Variants in PLK5 observed in about 807,000 individuals in gnomAD.
PLK5 encodes the protein inactive serine/threonine-protein kinase PLK5.
PLK5 carries 28 observed loss-of-function variants against 33.7 expected under a neutral mutation model. The ratio of observed to expected loss-of-function variants is 0.83; its 90% confidence interval spans 0.62 to 1.14. The LOEUF is 1.14. PLK5 is among the 50% of genes most tolerant of loss of function. PLK5 has a pLI of 0.00. For missense variants in PLK5, 492 were observed against 461.5 expected (o/e 1.07, Z -0.61); for synonymous variants, 225 against 202.2 (o/e 1.11, Z -0.96).
chr19:1,528,217 G>A (rs1913803981), intron 7 of PLK5, 83 bp downstream of exon 7: 1 of 1,533,584 alleles, frequency 6.5e-7, no homozygotes. Context: ...CTCAGCCGAG[G>A]GAGGCCCCGC....
rs265282 is a variant in PLK5, at chr19:1,535,206, G to A, written c.967G>A (p.Gly323Arg). The change falls in exon 14 of 14, where the codon GGA (glycine) becomes AGA (arginine). Residue 323 changes from glycine to arginine, a missense_variant. Physicochemically the swap from Gly to Arg is moderately radical, Grantham distance 125. Coordinates refer to ENST00000454744, the MANE Select transcript of PLK5 (RefSeq NM_001243079.2). ...GAGCCACGGCTGCGCCCCCACCACC[G>A]GACAGCACCTTCACCACGCCCTCCG... ...PRSHGCAPTT[G>R]QHLHHALRML... The A allele has an allele frequency of 6.5e-7, 1 of 1,535,432 alleles. No individual in the cohort carries two copies. Among genetic ancestry groups the A allele is most frequent in the Non-Finnish European group, 8.7e-7 (1 of 1,146,672 alleles).
In PLK5 at chr19:1,535,398, T is replaced by C; in HGVS notation, c.*148T>C. On this transcript the variant is annotated 3_prime_UTR_variant, in exon 14 of 14. Transcript: ENST00000454744. ...GGTTCTTGCCTTGTGGCATGACTGT[T>C]CAACCCAGACTTTGCTGGGATCTCT... is the stretch of plus-strand genomic sequence containing the variant. The C allele has an allele frequency of 6.1e-6, 5 of 817,952 alleles. No individual in the cohort carries two copies. The highest frequency in any genetic ancestry group is 9.0e-6 in the Non-Finnish European group (5 of 554,168). The allele number at this position is 817,952 out of a possible 1,614,324, so 50.7% of individuals were successfully genotyped here.
chr19:1,534,997 G>C (rs1385033004), intron 13 of PLK5, 68 bp from the exon 14 acceptor site: 1 of 1,361,436 alleles, frequency 7.3e-7, no homozygotes, highest in Non-Finnish European at 9.7e-7. Context: ...TGTCCTTCTG[G>C]AGCGCCACGG....
At chr19:1,533,647 G>A (rs997108873) in intron 12 of PLK5, 25 of 550,914 alleles carry the variant, frequency 4.5e-5, no homozygotes, top group African/African-American at 1.7e-4. Flanking sequence ...CCATTCCAGG[G>A]GGTGTAGGTC....
Position 1,529,462 on chromosome 19 carries a change from A to T in PLK5, c.462A>T (p.Ala154=). The change falls in exon 10 of 14, where the codon GCA becomes GCT. Residue 154 remains alanine, a synonymous_variant. Coordinates refer to ENST00000454744, the MANE Select transcript of PLK5 (RefSeq NM_001243079.2). ...PCLEGPIHLV[A]QGTLQSDLAG... ...TGGAAGGCCCCATCCACCTGGTCGCACAAGGGACCCTGCAGAGTGACCTGG... is the reference window on the plus strand; with the variant it reads ...TGGAAGGCCCCATCCACCTGGTCGCTCAAGGGACCCTGCAGAGTGACCTGG... The T allele has an allele frequency of 6.5e-7, 1 of 1,536,016 alleles. No individual in the cohort carries two copies. The highest frequency in any genetic ancestry group is 8.7e-7 in the Non-Finnish European group (1 of 1,146,836).
In PLK5 at chr19:1,533,431, G is replaced by C. The variant is rs533880471; in HGVS notation, c.715-500G>C. ...TAGCGGGAGTGACATGGGGGCCAGTGGGGAGGTGGCTGGACTCATCAGGTG... is the reference window on the plus strand; with the variant it reads ...TAGCGGGAGTGACATGGGGGCCAGTCGGGAGGTGGCTGGACTCATCAGGTG... On this transcript the variant is annotated intron_variant, in intron 12 of 13. Coordinates refer to ENST00000454744, the MANE Select transcript of PLK5 (RefSeq NM_001243079.2). 3.3e-5 allele frequency among the ~76,000 whole-genome samples: 5 copies of C among 152,282 alleles called. No individual in the cohort carries two copies. The East Asian group carries it at 7.7e-4, about 24-fold the overall frequency.
At chr19:1,525,174 T>C (rs551943429) in intron 1 of PLK5, 131 bp from the exon 2 acceptor site, 10 of 152,956 alleles carry the variant, frequency 6.5e-5, no homozygotes, top group Non-Finnish European at 1.0e-4. Context: ...CTGTGTGTTG[T>C]TTTTTCCCCG....
chr19:1,533,730 A>G lies in PLK5; in HGVS notation c.715-201A>G. On this transcript the variant is annotated intron_variant, in intron 12 of 13. Transcript: ENST00000454744. ...TGTCCTGGCCCCAGCCAAGTGTGCT[A>G]CATGCCCAACTGCGGGAGGCTGGAA... is the stretch of plus-strand genomic sequence containing the variant. 5 of 603,690 alleles carry G rather than the reference A, an allele frequency of 8.3e-6. No individual in the cohort carries two copies. The South Asian group carries it at 9.6e-5, about 12-fold the overall frequency. 37.4% of individuals were successfully genotyped at this position (603,690 alleles called of 1,614,324 possible).
At position 1,529,813 on chromosome 19, in the gene PLK5, T is replaced by G; in HGVS notation, c.557T>G (p.Val186Gly). ...ALRHLQLCLD[V>G]GPPATQDPLG... ...AGACACCTGCAGCTGTGCCTGGATG[T>G]AGGCCCCCCGGGTAGGAGCCGGCCC... Residue 186 changes from valine to glycine, a missense_variant, in exon 11 of 14, where the codon GTA (valine) becomes GGA (glycine). Val to Gly is a moderately radical substitution (Grantham distance 109). Transcript: ENST00000454744. 6.5e-7 allele frequency: 1 copy of G among 1,535,806 alleles called. No individual in the cohort carries two copies. The highest frequency in any genetic ancestry group is 8.7e-7 in the Non-Finnish European group (1 of 1,146,806).
rs953048740 is a variant in PLK5 at position 1,535,031 on chromosome 19, C to T, written c.826-34C>T. The T allele has an allele frequency of 2.9e-5, 43 of 1,468,860 alleles. No individual in the cohort carries two copies. The Admixed American group carries it at 3.8e-4, about 13-fold the overall frequency. The allele number at this position is 1,468,860 out of a possible 1,614,324, so 91.0% of individuals were successfully genotyped here. On this transcript the variant is annotated intron_variant, in intron 13 of 13. Coordinates refer to ENST00000454744, the MANE Select transcript of PLK5 (RefSeq NM_001243079.2). ...GGCTGGAGGCAGGTGCAGGGGTACC[C>T]GTCTCCCCTTGACTGGTATCTTACC...
At chr19:1,530,401 G>A (rs1194529463) in intron 11 of PLK5, among the ~76,000 whole-genome samples, 3 of 151,756 alleles carry the variant, frequency 2.0e-5, no homozygotes, top group Non-Finnish European at 4.4e-5. Flanking sequence ...GGTTCAAAGC[G>A]ATTCTCCTGC....
At position 1,528,953 on chromosome 19, in the gene PLK5, C is replaced by T; in HGVS notation, c.384C>T (p.Asp128=). The T allele has an allele frequency of 6.6e-7, 1 of 1,519,306 alleles. No individual in the cohort carries two copies. The highest frequency in any genetic ancestry group is 1.2e-5 in the South Asian group (1 of 82,022). The allele number at this position is 1,519,306 out of a possible 1,614,324, so 94.1% of individuals were successfully genotyped here. ...CAGGAGAAGGTGGGCCAGACCCTGA[C>T]TCCATGGAGTGGGACGGCGAGGTGA... ...SGPGEGGPDP[D]SMEWDGESSL... is the part of the protein sequence containing the mutation. Residue 128 remains aspartate (D), a synonymous_variant, in exon 9 of 14, where the codon GAC becomes GAT. Transcript: ENST00000454744.
intron 12 of PLK5, 29 bp downstream of exon 12, chr19:1,531,912 G>T: frequency 2.1e-6 from 3 of 1,431,050 alleles, no homozygotes; most frequent in South Asian, 2.9e-5. Context: ...TGCCCTGGGG[G>T]ACCAGGCACT....
intron 6 of PLK5, among the ~76,000 whole-genome samples, chr19:1,527,657 C>G (rs982272496): frequency 6.6e-6 from 1 of 151,364 alleles, no homozygotes. Flanking sequence ...TCAGGGTGAG[C>G]CAGGTGCAGG....
rs907466811 is a variant in PLK5 at position 1,535,145 on chromosome 19, G to T, written c.906G>T (p.Gly302=). ...TGCAGCTCACCCTCTGGGAGCAGGG[G>T]TCCCCTGGCACCTCCTACTCCCTGG... The part of the protein sequence containing the change: ...EGLQLTLWEQ[G]SPGTSYSLDV... The change falls in exon 14 of 14, where the codon GGG becomes GGT. Residue 302 remains glycine (G), a synonymous_variant. Transcript: ENST00000454744. The T allele has an allele frequency of 6.5e-6, 10 of 1,535,914 alleles. No homozygotes were observed. Among genetic ancestry groups the T allele is most frequent in the East Asian group, 2.4e-5 (1 of 40,906 alleles).
intron 11 of PLK5, among the ~76,000 whole-genome samples, chr19:1,530,872 C>T (rs543039112): frequency 6.6e-6 from 1 of 151,746 alleles, no homozygotes; most frequent in South Asian, 2.1e-4. Context: ...CCTGTCTCGG[C>T]CTCCCAAAGT....
Position 1,535,062 on chromosome 19 carries a change from C to T in PLK5, c.826-3C>T. 1 of 1,522,898 alleles carries T rather than the reference C, an allele frequency of 6.6e-7. No homozygotes were observed. Among genetic ancestry groups the T allele is most frequent in the Non-Finnish European group, 8.8e-7 (1 of 1,140,970 alleles). The allele number at this position is 1,522,898 out of a possible 1,614,324, so 94.3% of individuals were successfully genotyped here. On this transcript the variant is annotated splice_polypyrimidine_tract_variant and splice_region_variant and intron_variant, in intron 13 of 13. Coordinates refer to ENST00000454744, the MANE Select transcript of PLK5 (RefSeq NM_001243079.2). ...CCCTTGACTGGTATCTTACCCTTTG[C>T]AGGTGAGCTTCAGTGGAGTCCCGGC...
At position 1,524,420 on chromosome 19, in the gene PLK5, A is replaced by G. The variant is rs955452016; in HGVS notation, c.-544+174A>G. On this transcript the variant is annotated intron_variant, in intron 1 of 13. Transcript: ENST00000454744. This position sits in a 1 kb window ranked among gnomAD's most constrained non-coding sequence, Gnocchi z 4.5. ...CCCGTGCGGGGTTTCGCATGGCGGGAACCGTGTTGAGCGCGCTGTGCGTCG... is the reference window on the plus strand; with the variant it reads ...CCCGTGCGGGGTTTCGCATGGCGGGGACCGTGTTGAGCGCGCTGTGCGTCG... 2.6e-5 allele frequency among the ~76,000 whole-genome samples: 4 copies of G among 151,966 alleles called. No homozygotes were observed. The highest frequency in any genetic ancestry group is 9.7e-5 in the African/African-American group (4 of 41,398).
rs62128515 is a variant in PLK5 at position 1,528,573 on chromosome 19, G to A, written c.328+145G>A. On this transcript the variant is annotated intron_variant, in intron 8 of 13. Transcript: ENST00000454744. Reference sequence around the variant, plus strand: ...CTGCCCACGCCTCCCACCTGCCCACGCCTCCCACCTGCCCACGCCTCCCAC... The same window carrying A: ...CTGCCCACGCCTCCCACCTGCCCACACCTCCCACCTGCCCACGCCTCCCAC... 6.1e-4 allele frequency: 237 copies of A among 390,332 alleles called. 5 individuals carry two copies. In the African/African-American group the frequency reaches 0.013, roughly 22 times the overall value. 24.2% of individuals were successfully genotyped at this position (390,332 alleles called of 1,614,324 possible).
Sources: gnomAD v4.1 joint callset for allele counts (sites outside exome capture counted in the v4.1 genomes callset) on GRCh38, gnomAD v4.1.1 for gene constraint, Gnocchi (gnomAD v3.1) non-coding constraint, MANE v1.5 for transcripts, NCBI Gene and HGNC (gene_info 2026-07-23, HGNC 2026-07-21) for gene names.